The following SPNS1 variants were observed in gnomAD, a reference collection of about 807,000 sequenced individuals.
SPNS1 encodes SPNS lysolipid transporter 1, lysophospholipid, also known as protein spinster homolog 1.
A neutral mutation model predicts 50.3 loss-of-function variants in SPNS1; 22 were observed. The observed-to-expected ratio is 0.44, with a 90% confidence interval of 0.31 to 0.62. The LOEUF is 0.62. SPNS1 is among the 20% of genes least tolerant of loss of function. The pLI, the probability that SPNS1 is intolerant of heterozygous loss-of-function variation, is 0.07. For synonymous variants in SPNS1, 295 were observed against 317.4 expected, an observed-to-expected ratio of 0.93 and a Z score of 0.75; for missense variants, 576 against 728.6, an observed-to-expected ratio of 0.79 and a Z score of 2.41.
At chr16:28,982,674 T>C in intron 8 of SPNS1, 129 bp downstream of exon 8, 2 of 1,291,868 alleles carry the variant, frequency 1.5e-6, no homozygotes, top group Non-Finnish European at 2.2e-6. Flanking sequence ...CTGTGTGACA[T>C]TGGACAAGTG....
chr16:28,979,605 C>A, intron 5 of SPNS1, 134 bp downstream of exon 5: 1 of 876,038 alleles, frequency 1.1e-6, no homozygotes, highest in Non-Finnish European at 1.8e-6. Context: ...GGCTGCAGTG[C>A]AGTGGTGCAG....
Position 28,983,336 on chromosome 16 carries a change from C to G in SPNS1, c.1320+46C>G. On this transcript the variant is annotated intron_variant, in intron 10 of 11. Coordinates refer to ENST00000311008, the MANE Select transcript of SPNS1 (RefSeq NM_032038.3). The surrounding 1 kb of genome is among the most constrained non-coding windows in gnomAD (Gnocchi z 5.4). Reference sequence around the variant, plus strand: ...GGCATGGGGTGGCTGGTGTCCTGAGCCTGGGCTGGATCAGAAGGCCTGGCC... The same window carrying G: ...GGCATGGGGTGGCTGGTGTCCTGAGGCTGGGCTGGATCAGAAGGCCTGGCC... The G allele has an allele frequency of 6.6e-7, 1 of 1,508,864 alleles. No individual in the cohort carries two copies. Among genetic ancestry groups the G allele is most frequent in the Non-Finnish European group, 9.2e-7 (1 of 1,084,350 alleles). 93.5% of individuals were successfully genotyped at this position (1,508,864 alleles called of 1,614,324 possible).
At position 28,982,166 on chromosome 16, in the gene SPNS1, C is replaced by T. The variant is rs1050380314; in HGVS notation, c.965+110C>T. 6.3e-6 allele frequency: 9 copies of T among 1,431,432 alleles called. No individual in the cohort carries two copies. In the African/African-American group the frequency reaches 9.9e-5, roughly 16 times the overall value. The allele number at this position is 1,431,432 out of a possible 1,614,324, so 88.7% of individuals were successfully genotyped here. On this transcript the variant is annotated intron_variant, in intron 7 of 11. Coordinates refer to ENST00000311008, the MANE Select transcript of SPNS1 (RefSeq NM_032038.3). The stretch of plus-strand genomic sequence containing the variant: ...TTTGACTCCTGACTTCACAAGCTGC[C>T]TGCTCTCCTGGAATCTCCGTTTCCT...
intron 5 of SPNS1, chr16:28,980,754 C>G (rs543324188): frequency 6.6e-6 from 1 of 151,886 alleles, no homozygotes; most frequent in South Asian, 2.1e-4. Context: ...CTCAGGAGGC[C>G]GAGGCAGGAG....
chr16:28,984,245 G>A lies in SPNS1; in HGVS notation c.1533G>A (p.Val511=). The A allele has an allele frequency of 6.2e-7, 1 of 1,608,980 alleles. No individual in the cohort carries two copies. Among genetic ancestry groups the A allele is most frequent in the South Asian group, 1.1e-5 (1 of 90,384 alleles). The change falls in exon 12 of 12, where the codon GTG becomes GTA. Residue 511 remains valine, a synonymous_variant. Transcript: ENST00000311008. ...CAGGGTCCACAGACGACCGGATTGTGGTGCCCCAGCGGGGCCGCTCCACCC... is the reference window on the plus strand; with the variant it reads ...CAGGGTCCACAGACGACCGGATTGTAGTGCCCCAGCGGGGCCGCTCCACCC... ...HEAGSTDDRI[V]VPQRGRSTRV...
rs750702996 is a variant in SPNS1, at chr16:28,975,307, C to T, written c.156C>T (p.Gly52=). 19 of 1,584,764 alleles carry T rather than the reference C, an allele frequency of 1.2e-5. No homozygotes were observed. The South Asian group carries it at 1.9e-4, about 16-fold the overall frequency. The change falls in exon 1 of 12, where the codon GGC becomes GGT. Residue 52 remains glycine (G), a synonymous_variant. Transcript: ENST00000311008. ...PDQEGLQRIT[G]LSPGRSALIV... ...AGGAGGGGCTGCAGCGCATCACCGGCCTGTCTCCCGGCCGTTCGGCTCTCA... is the reference window on the plus strand; with the variant it reads ...AGGAGGGGCTGCAGCGCATCACCGGTCTGTCTCCCGGCCGTTCGGCTCTCA...
At chr16:28,979,095 A>C in intron 3 of SPNS1, 60 bp from the exon 4 acceptor site, 1 of 1,573,292 alleles carries the variant, frequency 6.4e-7, no homozygotes, top group Non-Finnish European at 8.6e-7. Flanking sequence ...CGGGCTGGTG[A>C]GGTAGCCCGG....
chr16:28,979,125 G>A (rs897737272), intron 3 of SPNS1, 30 bp from the exon 4 acceptor site: 5 of 1,603,510 alleles, frequency 3.1e-6, no homozygotes, highest in Non-Finnish European at 4.3e-6. Flanking sequence ...GCAGGCTGGG[G>A]TGCCACCTCT....
rs1284024468 is a variant in SPNS1 at position 28,981,824 on chromosome 16, A to G, written c.810-77A>G. The G allele has an allele frequency of 6.3e-6, 10 of 1,581,752 alleles. No homozygotes were observed. The highest frequency in any genetic ancestry group is 8.6e-6 in the Non-Finnish European group (10 of 1,156,114). ...TGTTGTGACCTTACTAAAATAAGCC[A>G]GGAAGGGAGAAGAGAGGTCCCCTCC... On this transcript the variant is annotated intron_variant, in intron 6 of 11. Transcript: ENST00000311008. This position sits in a 1 kb window ranked among gnomAD's most constrained non-coding sequence, Gnocchi z 4.2.
At position 28,983,194 on chromosome 16, in the gene SPNS1, C is replaced by T. The variant is rs201354349; in HGVS notation, c.1224C>T (p.Tyr408=). ...GAGCTCCACCAACTCCTCCACAGTA[C>T]GTGGTGATCCCTACCCGACGCTCCA... ...NWAIVADILL[Y]VVIPTRRSTA... is the part of the protein sequence containing the mutation. Residue 408 remains tyrosine, a splice_region_variant and synonymous_variant, in exon 10 of 12, where the codon TAC becomes TAT. Coordinates refer to ENST00000311008, the MANE Select transcript of SPNS1 (RefSeq NM_032038.3). The surrounding 1 kb of genome is among the most constrained non-coding windows in gnomAD (Gnocchi z 5.4). The T allele has an allele frequency of 2.5e-5, 41 of 1,609,352 alleles. No individual in the cohort carries two copies. The Admixed American group carries it at 5.2e-4, about 20-fold the overall frequency.
chr16:28,981,515 G>A lies in SPNS1; in HGVS notation c.709G>A (p.Val237Ile). The part of the protein sequence containing the change: ...GVVAVLLLFL[V>I]VREPPRGAVE... ...GGTGGCCGTTCTGCTGCTGTTCCTG[G>A]TAGTGCGGGAGCCGCCAAGGGGAGC... The change falls in exon 6 of 12, where the codon GTA becomes ATA. Residue 237 changes from valine (V) to isoleucine (I), a missense_variant. Val to Ile is a conservative substitution (Grantham distance 29). Transcript: ENST00000311008. The surrounding 1 kb of genome is among the most constrained non-coding windows in gnomAD (Gnocchi z 4.2). 1 of 1,614,122 alleles carries A rather than the reference G, an allele frequency of 6.2e-7. No individual in the cohort carries two copies. Among genetic ancestry groups the A allele is most frequent in the South Asian group, 1.1e-5 (1 of 91,092 alleles).
intron 2 of SPNS1, among the ~76,000 whole-genome samples, chr16:28,977,344 T>C (rs1048197418): frequency 1.4e-5 from 2 of 141,474 alleles, no homozygotes; most frequent in Admixed American, 1.4e-4. Context: ...GAGAAAAAAG[T>C]AAATGTGAGA....
chr16:28,974,966 G>GA lies in SPNS1; in HGVS notation c.-185dup. On this transcript the variant is annotated 5_prime_UTR_variant, in exon 1 of 12. Coordinates refer to ENST00000311008, the MANE Select transcript of SPNS1 (RefSeq NM_032038.3). ...CCCCTCCGCGCTGTGTGTCTACTGA[G>GA]ACGGGGAGGCGTGACAGGGCCCGGG... 6.8e-7 allele frequency: 1 copy of GA among 1,467,768 alleles called. No homozygotes were observed. The highest frequency in any genetic ancestry group is 1.3e-5 in the South Asian group (1 of 74,758). The allele number at this position is 1,467,768 out of a possible 1,614,324, so 90.9% of individuals were successfully genotyped here.
Position 28,981,795 on chromosome 16 carries a change from A to T in SPNS1, c.810-106A>T, listed in dbSNP as rs1459004142. 2 of 1,528,156 alleles carry T rather than the reference A, an allele frequency of 1.3e-6. No homozygotes were observed. Among genetic ancestry groups the T allele is most frequent in the African/African-American group, 2.7e-5 (2 of 73,254 alleles). The allele number at this position is 1,528,156 out of a possible 1,614,324, so 94.7% of individuals were successfully genotyped here. On this transcript the variant is annotated intron_variant, in intron 6 of 11. Coordinates refer to ENST00000311008, the MANE Select transcript of SPNS1 (RefSeq NM_032038.3). This position sits in a 1 kb window ranked among gnomAD's most constrained non-coding sequence, Gnocchi z 4.2. ...TCCTGGGAGCCAGAACCACCTCTGC[A>T]CGGTGTTGTGACCTTACTAAAATAA... is the stretch of plus-strand genomic sequence containing the variant.
In SPNS1 at chr16:28,984,436, C is replaced by A. The variant is rs7140; in HGVS notation, c.*137C>A. ...CCGTGTGCCAGCTCCCAGACACTAC[C>A]TGGGTAGCTCAGGGGAGGAGGTGGG... On this transcript the variant is annotated 3_prime_UTR_variant, in exon 12 of 12. Transcript: ENST00000311008. The A allele has an allele frequency of 0.73, 620,139 of 854,248 alleles. 229,198 individuals carry two copies. The highest frequency in any genetic ancestry group is 0.92 in the East Asian group (34,875 of 37,940). 52.9% of individuals were successfully genotyped at this position (854,248 alleles called of 1,614,324 possible). A position where few individuals can be genotyped will look rare whatever the true frequency, so the allele number is the denominator to read the frequency against.
Position 28,975,355 on chromosome 16 carries a change from C to A in SPNS1, c.204C>A (p.Ile68=), listed in dbSNP as rs772501900. 5.0e-6 allele frequency: 8 copies of A among 1,597,112 alleles called. No individual in the cohort carries two copies. In the Admixed American group the frequency reaches 1.0e-4, roughly 20 times the overall value. ...TCATAGTGGCGGTGCTGTGCTACAT[C>A]AATCTCCTGAACTACATGGACCGCT... is the stretch of plus-strand genomic sequence containing the variant. ...SALIVAVLCY[I]NLLNYMDRFT... The change falls in exon 1 of 12, where the codon ATC becomes ATA. Residue 68 remains isoleucine, a synonymous_variant. Transcript: ENST00000311008.
chr16:28,983,059 G>T lies in SPNS1; in HGVS notation c.1222-133G>T. ...AAATAACATCTGTAGCAGACCCCCG[G>T]CCTGCCCTGCGACCTCAACCCCAGG... On this transcript the variant is annotated intron_variant, in intron 9 of 11. Coordinates refer to ENST00000311008, the MANE Select transcript of SPNS1 (RefSeq NM_032038.3). This position sits in a 1 kb window ranked among gnomAD's most constrained non-coding sequence, Gnocchi z 5.4. The T allele has an allele frequency of 8.1e-7, 1 of 1,238,178 alleles. No homozygotes were observed. Among genetic ancestry groups the T allele is most frequent in the Non-Finnish European group, 1.2e-6 (1 of 860,392 alleles). 76.7% of individuals were successfully genotyped at this position (1,238,178 alleles called of 1,614,324 possible).
At position 28,979,378 on chromosome 16, in the gene SPNS1, C is replaced by G. The variant is rs368192652; in HGVS notation, c.597-27C>G. ...GGGACTGGACTGACTGGCTGTCCCC[C>G]CTTTTTCCCCTCTCTCCCTCCCACA... On this transcript the variant is annotated intron_variant, in intron 4 of 11. Coordinates refer to ENST00000311008, the MANE Select transcript of SPNS1 (RefSeq NM_032038.3). The G allele has an allele frequency of 7.6e-5, 122 of 1,614,094 alleles. No homozygotes were observed. In the East Asian group the frequency reaches 1.3e-3, roughly 17 times the overall value.
At chr16:28,979,585 G>A in intron 5 of SPNS1, 114 bp downstream of exon 5, 2 of 1,122,018 alleles carry the variant, frequency 1.8e-6, no homozygotes, top group East Asian at 2.5e-5. Flanking sequence ...GGGTCTTGTT[G>A]TGTCACCCAG....
Sources: allele counts gnomAD v4.1 joint callset (sites outside exome capture counted in the v4.1 genomes callset), GRCh38; gene constraint gnomAD v4.1.1; non-coding constraint Gnocchi (gnomAD v3.1); transcripts MANE v1.5; gene names NCBI Gene and HGNC (gene_info 2026-07-23, HGNC 2026-07-21).